SRGAP2C: variants seen among roughly 807,000 people sequenced by gnomAD.
The protein encoded by SRGAP2C is SLIT-ROBO Rho GTPase activating protein 2C.
SRGAP2C carries 15 observed loss-of-function variants against 25.1 expected under a neutral mutation model. That is an observed-to-expected ratio of 0.60 (90% CI 0.40 to 0.92). SRGAP2C has a LOEUF of 0.92. Ranked by LOEUF, SRGAP2C falls within the 40% of genes least tolerant of loss-of-function variation. The probability of loss-of-function intolerance (pLI) is 0.00; values close to 1 mark genes in which losing one functional copy is unlikely to be tolerated. For synonymous variants in SRGAP2C, 44 were observed against 96.6 expected, an observed-to-expected ratio of 0.46 and a Z score of 3.19; for missense variants, 144 against 264.4, an observed-to-expected ratio of 0.54 and a Z score of 3.16.
At chr1:121,283,748 G>A (rs1353524914) in intron 2 of SRGAP2C, among the ~76,000 whole-genome samples, 10 of 151,314 alleles carry the variant, frequency 6.6e-5, no homozygotes, top group Non-Finnish European at 1.3e-4. Context: ...TGGGGATTGG[G>A]ACATAACTTC....
intron 2 of SRGAP2C, among the ~76,000 whole-genome samples, chr1:121,224,151 C>T (rs1325705631): frequency 6.9e-6 from 1 of 144,064 alleles, no homozygotes; most frequent in African/African-American, 2.6e-5. Flanking sequence ...CACATACAAA[C>T]AAACAGGCAG....
chr1:121,285,877 G>A (rs1657353050), intron 3 of SRGAP2C, among the ~76,000 whole-genome samples: 2 of 151,840 alleles, frequency 1.3e-5, no homozygotes, highest in African/African-American at 4.8e-5. Flanking sequence ...CCAGCATTGA[G>A]GATCACAGTC....
chr1:121,185,018 G>C lies in SRGAP2C; in HGVS notation c.-649G>C. The C allele has an allele frequency of 5.8e-6, 3 of 516,550 alleles. No individual in the cohort carries two copies. The highest frequency in any genetic ancestry group is 5.9e-5 in the South Asian group (2 of 33,926). The allele number at this position is 516,550 out of a possible 1,614,324, so 32.0% of individuals were successfully genotyped here. On this transcript the variant is annotated 5_prime_UTR_variant, in exon 1 of 10. Coordinates refer to ENST00000367123, the MANE Select transcript of SRGAP2C (RefSeq NM_001329984.2). ...CGGAGGCGGCGGAGGCTCCTCCAGG[G>C]ACTGGGGCACCGATCTGCGTAGAAA...
intron 3 of SRGAP2C, among the ~76,000 whole-genome samples, chr1:121,314,358 G>A (rs2101599848): frequency 6.6e-6 from 1 of 151,552 alleles, no homozygotes; most frequent in East Asian, 1.9e-4. Flanking sequence ...CAACTTCTTT[G>A]CCTTTGGTTT....
At chr1:121,378,734 T>C (rs1305471986) in intron 7 of SRGAP2C, among the ~76,000 whole-genome samples, 1 of 152,136 alleles carries the variant, frequency 6.6e-6, no homozygotes, top group Non-Finnish European at 1.5e-5. Context: ...GCCTTCTGCC[T>C]CCTTCCTAGT....
intron 2 of SRGAP2C, among the ~76,000 whole-genome samples, chr1:121,219,317 G>A (rs1328408987): frequency 1.8e-5 from 2 of 113,356 alleles, no homozygotes; most frequent in African/African-American, 7.8e-5. Flanking sequence ...AGTATCACCC[G>A]TATGTTTCTC....
chr1:121,296,157 T>A (rs1169841466), intron 3 of SRGAP2C, among the ~76,000 whole-genome samples: 12 of 150,662 alleles, frequency 8.0e-5, no homozygotes, highest in Middle Eastern at 3.4e-3. Flanking sequence ...GTTTAAGGTG[T>A]TGGAAGAGTA....
chr1:121,224,147 C>G (rs1409548432), intron 2 of SRGAP2C, among the ~76,000 whole-genome samples: 6 of 145,072 alleles, frequency 4.1e-5, no homozygotes, highest in African/African-American at 1.5e-4. Flanking sequence ...GGCTCACATA[C>G]AAACAAACAG....
intron 3 of SRGAP2C, among the ~76,000 whole-genome samples, chr1:121,324,018 T>C (rs1437797384): frequency 6.6e-6 from 1 of 152,206 alleles, no homozygotes; most frequent in Non-Finnish European, 1.5e-5. Flanking sequence ...AGCCAGACAA[T>C]GCAGAACTGT....
chr1:121,362,709 G>T (rs1160972692), intron 4 of SRGAP2C: 1 of 151,184 alleles, frequency 6.6e-6, no homozygotes, highest in Admixed American at 6.6e-5. Context: ...TGACCCTGTT[G>T]CTGACTCTGG....
At chr1:121,277,890 G>GA (rs1370457335) in intron 2 of SRGAP2C, among the ~76,000 whole-genome samples, 2 of 113,850 alleles carry the variant, frequency 1.8e-5, no homozygotes, top group African/African-American at 6.8e-5. Flanking sequence ...TATAAGGAAT[G>GA]AAAAACAATT....
chr1:121,297,082 C>T (rs1657614509), intron 3 of SRGAP2C, among the ~76,000 whole-genome samples: 1 of 152,048 alleles, frequency 6.6e-6, no homozygotes, highest in Non-Finnish European at 1.5e-5. Flanking sequence ...CCAGATGTAG[C>T]ACCTGGTGTT....
At chr1:121,335,438 C>T (rs1658493332) in intron 4 of SRGAP2C, among the ~76,000 whole-genome samples, 1 of 140,472 alleles carries the variant, frequency 7.1e-6, no homozygotes, top group East Asian at 2.1e-4. Context: ...AAATGCCATC[C>T]AATGAATTTT....
At chr1:121,232,684 T>C (rs1312260198) in intron 2 of SRGAP2C, among the ~76,000 whole-genome samples, 1 of 152,300 alleles carries the variant, frequency 6.6e-6, no homozygotes, top group Admixed American at 6.5e-5. Context: ...CTAGTTTGCA[T>C]CTGAAACGTA....
At chr1:121,380,695 A>AT (rs1320416284) in intron 7 of SRGAP2C, among the ~76,000 whole-genome samples, 2 of 141,954 alleles carry the variant, frequency 1.4e-5, no homozygotes, top group East Asian at 2.3e-4. Flanking sequence ...AAATAGAAGC[A>AT]TTTTTTAAAT....
intron 4 of SRGAP2C, among the ~76,000 whole-genome samples, chr1:121,338,992 G>A (rs1410886469): frequency 6.6e-6 from 1 of 150,752 alleles, no homozygotes; most frequent in Non-Finnish European, 1.5e-5. Flanking sequence ...ATAATAAAAA[G>A]AAAATAATAA....
intron 5 of SRGAP2C, among the ~76,000 whole-genome samples, chr1:121,369,625 A>G (rs1320409662): frequency 6.9e-6 from 1 of 145,124 alleles, no homozygotes; most frequent in East Asian, 2.2e-4. Context: ...CTGCTTGCCT[A>G]TTTGACTCTG....
chr1:121,268,220 A>C (rs1656849557), intron 2 of SRGAP2C, among the ~76,000 whole-genome samples: 1 of 151,270 alleles, frequency 6.6e-6, no homozygotes, highest in Non-Finnish European at 1.5e-5. Flanking sequence ...GTGGTCACAA[A>C]GGCTGCTGTG....
chr1:121,189,096 C>CTTTTTTTT lies in SRGAP2C; in HGVS notation c.67+1603_67+1610dup, dbSNP rs1172103186. 6.2e-4 allele frequency among the ~76,000 whole-genome samples: 18 copies of CTTTTTTTT among 29,062 alleles called. 4 individuals carry two copies. The highest frequency in any genetic ancestry group is 2.9e-3 in the African/African-American group (14 of 4,834). 19.1% of individuals were successfully genotyped at this position (29,062 alleles called of 152,430 possible). A position where few individuals can be genotyped will look rare whatever the true frequency, so the allele number is the denominator to read the frequency against. On this transcript the variant is annotated intron_variant, in intron 2 of 9. Transcript: ENST00000367123. ...CCCCTGCAGTTTTAACCAGATATGTCTTTTTTTTTTTTTTTTTTTTTTTTT... is the reference window on the plus strand; with the variant it reads ...CCCCTGCAGTTTTAACCAGATATGTCTTTTTTTTTTTTTTTTTTTTTTTTTTTTTTTTT...
Sources: allele counts gnomAD v4.1 joint callset (sites outside exome capture counted in the v4.1 genomes callset), GRCh38; gene constraint gnomAD v4.1.1; transcripts MANE v1.5; gene names NCBI Gene and HGNC (gene_info 2026-07-23, HGNC 2026-07-21).